The following POLR3A variants were observed in gnomAD, a reference collection of about 807,000 sequenced individuals.
POLR3A encodes DNA-directed RNA polymerase III subunit RPC1.
Under a neutral mutation model 152.8 loss-of-function variants are expected in POLR3A, and 112 were observed. The ratio of observed to expected loss-of-function variants is 0.73; its 90% CI spans 0.63 to 0.86. POLR3A has a LOEUF of 0.86. Ranked by LOEUF, POLR3A falls within the 40% of genes least tolerant of loss-of-function variation. The pLI is 0.00. For missense variants in POLR3A, 1,385 were observed against 1,743.1 expected, an observed-to-expected ratio of 0.79 and a Z score of 3.66; for synonymous variants, 615 against 652.1, an observed-to-expected ratio of 0.94 and a Z score of 0.87.
At chr10:78,014,365 A>G (rs1003714491) in intron 10 of POLR3A, among the ~76,000 whole-genome samples, 2 of 152,174 alleles carry the variant, frequency 1.3e-5, no homozygotes, top group Non-Finnish European at 2.9e-5. Context: ...AAAAAACAGA[A>G]AGTCAAAACA....
chr10:78,000,213 A>C, intron 18 of POLR3A, 95 bp from the exon 19 acceptor site: 1 of 1,035,828 alleles, frequency 9.7e-7, no homozygotes, highest in Non-Finnish European at 1.5e-6. Flanking sequence ...CCACCTTGAG[A>C]CTATAAATAC....
chr10:77,986,844 A>G (rs1847203064), intron 21 of POLR3A, among the ~76,000 whole-genome samples: 2 of 152,214 alleles, frequency 1.3e-5, no homozygotes, highest in South Asian at 4.1e-4. Flanking sequence ...ATTTAAGAAC[A>G]GCACTCTCAG....
intron 12 of POLR3A, 61 bp downstream of exon 12, chr10:78,010,410 T>C (rs1415186128): frequency 2.4e-6 from 3 of 1,243,904 alleles, no homozygotes; most frequent in African/African-American, 3.0e-5. Flanking sequence ...TGAATCACTA[T>C]GAACGAGGAA....
At chr10:77,985,809 T>G in intron 23 of POLR3A, 94 bp downstream of exon 23, 1 of 924,606 alleles carries the variant, frequency 1.1e-6, no homozygotes, top group Non-Finnish European at 1.8e-6. Flanking sequence ...AGTTAACAAG[T>G]GAGCTGGTGC....
At position 78,004,328 on chromosome 10, in the gene POLR3A, G is replaced by T. The variant is rs548993049; in HGVS notation, c.2247+388C>A. ...TGGTGTCAGTTTCTACTTGAAGGATGCTGAAAATAGAAAAGGCAGGAGCAC... is the reference window on the plus strand; with the variant it reads ...TGGTGTCAGTTTCTACTTGAAGGATTCTGAAAATAGAAAAGGCAGGAGCAC... On this transcript the variant is annotated intron_variant, in intron 16 of 30. Transcript: ENST00000372371. 3.9e-5 allele frequency among the ~76,000 whole-genome samples: 6 copies of T among 152,292 alleles called. No individual in the cohort carries two copies. The East Asian group carries it at 1.2e-3, about 29-fold the overall frequency.
chr10:77,984,964 C>T (rs1000132723), intron 24 of POLR3A, among the ~76,000 whole-genome samples: 1 of 152,206 alleles, frequency 6.6e-6, no homozygotes, highest in Non-Finnish European at 1.5e-5. Context: ...AAAACCATTG[C>T]TTCTATTTTG....
intron 23 of POLR3A, 128 bp from the exon 24 acceptor site, chr10:77,985,468 T>C (rs1847187767): frequency 1.3e-6 from 1 of 769,372 alleles, no homozygotes; most frequent in African/African-American, 1.7e-5. Flanking sequence ...GGAAAGGGTA[T>C]GTCTGTGACA....
intron 19 of POLR3A, among the ~76,000 whole-genome samples, chr10:77,993,984 A>C (rs1232915199): frequency 6.6e-6 from 1 of 152,246 alleles, no homozygotes; most frequent in Non-Finnish European, 1.5e-5. Context: ...AAAACAAAAA[A>C]TCCCTTATGC....
chr10:77,997,282 A>C (rs1375075135), intron 19 of POLR3A, among the ~76,000 whole-genome samples: 2 of 152,086 alleles, frequency 1.3e-5, no homozygotes, highest in Non-Finnish European at 2.9e-5. Flanking sequence ...TACCACTCCT[A>C]TTCAACATAG....
At chr10:78,013,822 G>A in intron 10 of POLR3A, 32 bp from the exon 11 acceptor site, 1 of 1,613,898 alleles carries the variant, frequency 6.2e-7, no homozygotes. Context: ...AAAACAGGAA[G>A]AGGACTTAGG....
At chr10:78,003,931 A>C (rs1847384420) in intron 16 of POLR3A, among the ~76,000 whole-genome samples, 1 of 151,968 alleles carries the variant, frequency 6.6e-6, no homozygotes, top group African/African-American at 2.4e-5. Context: ...TCCATCTTAA[A>C]ACAAAACAAC....
Position 77,991,096 on chromosome 10 carries a change from C to G in POLR3A, c.2859G>C (p.Met953Ile), listed in dbSNP as rs1240232787. ...GGCAGCAGAGGAACTCACTCTTCTT[C>G]ATGATGGACTCTGTGGTCAGGATCA... The part of the protein sequence containing the change: ...NELILTTESI[M>I]KKSEFLCCQD... The change falls in exon 21 of 31, where the codon ATG (methionine) becomes ATC (isoleucine). Residue 953 changes from methionine (M) to isoleucine (I), a missense_variant. By Grantham distance (10) the Met-to-Ile change is conservative. Around this residue, in one of 7 missense-constraint regions of POLR3A, gnomAD observed 178 missense variants for 204.6 expected, o/e 0.87. Transcript: ENST00000372371. 1 of 1,613,758 alleles carries G rather than the reference C, an allele frequency of 6.2e-7. No homozygotes were observed. Among genetic ancestry groups the G allele is most frequent in the Non-Finnish European group, 8.5e-7 (1 of 1,179,612 alleles).
chr10:78,023,392 G>A (rs1474488987), intron 5 of POLR3A, among the ~76,000 whole-genome samples: 1 of 151,964 alleles, frequency 6.6e-6, no homozygotes, highest in African/African-American at 2.4e-5. Context: ...CGTGGGAGGT[G>A]GAGGTTGCAG....
At position 78,022,386 on chromosome 10, in the gene POLR3A, T is replaced by C. The variant is rs1461143312; in HGVS notation, c.646-2A>G. On this transcript the variant is annotated splice_acceptor_variant, in intron 5 of 30. Coordinates refer to ENST00000372371, the MANE Select transcript of POLR3A (RefSeq NM_007055.4). LOFTEE classifies it high-confidence loss of function. ...AACTACTAAGGGATTCAAGTTTTCC[T>C]ATGGAAACGAAGAAAGGCAGAAATG... 1.9e-6 allele frequency: 3 copies of C among 1,613,346 alleles called. No individual in the cohort carries two copies. Among genetic ancestry groups the C allele is most frequent in the South Asian group, 1.1e-5 (1 of 91,088 alleles).
intron 21 of POLR3A, among the ~76,000 whole-genome samples, chr10:77,989,418 C>T (rs192434102): frequency 6.6e-6 from 1 of 152,162 alleles, no homozygotes; most frequent in Non-Finnish European, 1.5e-5. Context: ...GGATTTTGGA[C>T]CCTCTCAGCA....
At chr10:78,004,336 T>C (rs1345908369) in intron 16 of POLR3A, among the ~76,000 whole-genome samples, 1 of 151,772 alleles carries the variant, frequency 6.6e-6, no homozygotes, top group Non-Finnish European at 1.5e-5. Flanking sequence ...ATGCTGAAAA[T>C]AGAAAAGGCA....
At chr10:78,005,007 T>A in intron 15 of POLR3A, 119 bp from the exon 16 acceptor site, 1 of 793,844 alleles carries the variant, frequency 1.3e-6, no homozygotes, top group South Asian at 1.4e-5. Context: ...ATGTATAGTT[T>A]AAAGTATAAA....
At chr10:77,996,989 G>A (rs1425563790) in intron 19 of POLR3A, among the ~76,000 whole-genome samples, 4 of 152,176 alleles carry the variant, frequency 2.6e-5, no homozygotes, top group African/African-American at 9.7e-5. Context: ...TCATCCCTGG[G>A]ATGCAAGGCT....
intron 30 of POLR3A, 31 bp downstream of exon 30, chr10:77,980,110 T>C (rs1195649799): frequency 1.9e-6 from 3 of 1,608,676 alleles, no homozygotes; most frequent in East Asian, 2.2e-5. Context: ...GTAAAGGCCT[T>C]TGATGCTGTT....
Sources: allele counts gnomAD v4.1 joint callset (sites outside exome capture counted in the v4.1 genomes callset), GRCh38; gene constraint gnomAD v4.1.1; regional missense constraint gnomAD v4.1.1; transcripts MANE v1.5; gene names NCBI Gene and HGNC (gene_info 2026-07-23, HGNC 2026-07-21).